The following ACSBG2 variants were observed in gnomAD, a reference collection of about 807,000 sequenced individuals.
ACSBG2 encodes the protein long-chain-fatty-acid--CoA ligase ACSBG2.
A neutral mutation model predicts 74.7 loss-of-function variants in ACSBG2; 62 were observed. That is an observed-to-expected ratio of 0.83 (90% CI 0.68 to 1.03). The LOEUF (loss-of-function observed/expected upper bound fraction) is 1.03, where lower values mean the gene tolerates loss of function less well. Among genes scored for constraint, ACSBG2 ranks in the 50% least tolerant of loss-of-function variants. The pLI is 0.00. For missense variants in ACSBG2, 730 were observed against 817.6 expected, an observed-to-expected ratio of 0.89 and a Z score of 1.31; for synonymous variants, 309 against 294.1, an observed-to-expected ratio of 1.05 and a Z score of -0.52.
chr19:6,188,500 G>A (rs186083782), intron 13 of ACSBG2, among the ~76,000 whole-genome samples: 1 of 152,202 alleles, frequency 6.6e-6, no homozygotes, highest in African/African-American at 2.4e-5. Context: ...AATTAGCTGG[G>A]TATGGTAGCG....
intron 1 of ACSBG2, among the ~76,000 whole-genome samples, chr19:6,140,378 G>A (rs531026081): frequency 2.6e-4 from 40 of 152,184 alleles, no homozygotes; most frequent in Non-Finnish European, 5.0e-4. Context: ...CTACTGATGG[G>A]TTAAAGACCA....
intron 3 of ACSBG2, among the ~76,000 whole-genome samples, chr19:6,149,683 T>C (rs1213013553): frequency 6.6e-6 from 1 of 152,060 alleles, no homozygotes; most frequent in Non-Finnish European, 1.5e-5. Context: ...ATTTTTTGTA[T>C]ATTTAGTAGA....
At chr19:6,184,159 C>A (rs1247013591) in intron 10 of ACSBG2, among the ~76,000 whole-genome samples, 1 of 152,078 alleles carries the variant, frequency 6.6e-6, no homozygotes, top group African/African-American at 2.4e-5. Context: ...ATATTATCTG[C>A]CTGTTTTAAA....
chr19:6,137,654 T>G (rs534928873), intron 1 of ACSBG2, among the ~76,000 whole-genome samples: 30 of 152,168 alleles, frequency 2.0e-4, no homozygotes, highest in Middle Eastern at 3.4e-3. Context: ...ATTTATTTAT[T>G]TATTTATTTT....
intron 5 of ACSBG2, among the ~76,000 whole-genome samples, chr19:6,158,701 TG>T (rs2089509729): frequency 1.3e-5 from 2 of 152,150 alleles, no homozygotes; most frequent in South Asian, 4.1e-4. Context: ...GGAGTCGAGA[TG>T]TGTCTTTTCA....
At chr19:6,188,067 C>T (rs956421959) in intron 13 of ACSBG2, among the ~76,000 whole-genome samples, 22 of 152,334 alleles carry the variant, frequency 1.4e-4, no homozygotes, top group African/African-American at 4.6e-4. Flanking sequence ...CGCCTGCTGA[C>T]CTTTCATTCA....
intron 7 of ACSBG2, among the ~76,000 whole-genome samples, chr19:6,169,711 G>A (rs1161293825): frequency 1.3e-5 from 2 of 152,184 alleles, no homozygotes; most frequent in Admixed American, 6.5e-5. Context: ...TCCTGTCAAT[G>A]AGCATGGAAT....
intron 2 of ACSBG2, among the ~76,000 whole-genome samples, chr19:6,141,897 C>T (rs1187826001): frequency 6.6e-6 from 1 of 152,124 alleles, no homozygotes; most frequent in African/African-American, 2.4e-5. Context: ...CCATGCCCAG[C>T]TCTGTATTTT....
Position 6,183,154 on chromosome 19 carries a change from A to G in ACSBG2, c.1204A>G (p.Asn402Asp). Residue 402 changes from asparagine (N) to aspartate (D), a missense_variant, in exon 10 of 15, where the codon AAC (asparagine) becomes GAC (aspartate). Physicochemically the swap from Asn to Asp is conservative, Grantham distance 23. Coordinates refer to ENST00000588485, the MANE Select transcript of ACSBG2 (RefSeq NM_030924.5). ...TTTTATCAGTGGGACTGCGCCCCTC[A>G]ACCAAGAGACTGCCGAGTTCTTTCT... Reference protein sequence around the residue: ...HSFISGTAPLNQETAEFFLSL... With the variant: ...HSFISGTAPLDQETAEFFLSL... 1 of 1,614,196 alleles carries G rather than the reference A, an allele frequency of 6.2e-7. No homozygotes were observed. The highest frequency in any genetic ancestry group is 8.5e-7 in the Non-Finnish European group (1 of 1,180,030).
At position 6,185,740 on chromosome 19, in the gene ACSBG2, C is replaced by A. The variant is rs1296090376; in HGVS notation, c.1540+87C>A. 5.1e-6 allele frequency: 7 copies of A among 1,367,048 alleles called. No homozygotes were observed. In the Admixed American group the frequency reaches 7.3e-5, roughly 14 times the overall value. The allele number at this position is 1,367,048 out of a possible 1,614,324, so 84.7% of individuals were successfully genotyped here. On this transcript the variant is annotated intron_variant, in intron 11 of 14. Transcript: ENST00000588485. ...GCCCAGGGTACCAGCACGAAGGCCA[C>A]CCCCAGTTCCTCACCTTCCAAGAGG...
At chr19:6,144,116 G>T (rs1200700345) in intron 2 of ACSBG2, among the ~76,000 whole-genome samples, 1 of 152,192 alleles carries the variant, frequency 6.6e-6, no homozygotes, top group African/African-American at 2.4e-5. Flanking sequence ...TCCTGCCTCA[G>T]CCTCCAGAGT....
chr19:6,145,362 C>T (rs545521340), intron 2 of ACSBG2, among the ~76,000 whole-genome samples: 75 of 149,544 alleles, frequency 5.0e-4, no homozygotes, highest in African/African-American at 1.8e-3. Context: ...TCCCAGGAGG[C>T]GGAGGCTGCA....
chr19:6,164,456 G>A (rs200900796), intron 6 of ACSBG2, among the ~76,000 whole-genome samples: 2 of 141,398 alleles, frequency 1.4e-5, no homozygotes, highest in East Asian at 4.1e-4. Flanking sequence ...TTTTTGAGAT[G>A]GAGTTTCACT....
In ACSBG2 at chr19:6,188,487, A is replaced by G. The variant is rs148193093; in HGVS notation, c.1927+642A>G. Among the ~76,000 whole-genome samples, 231 of 152,200 alleles carry G rather than the reference A, an allele frequency of 1.5e-3. 3 individuals are homozygous for G. The highest frequency in any genetic ancestry group is 0.013 in the South Asian group (64 of 4,812). ...GAAATCCTAACTCTACACAAAATAC[A>G]AAAATTAGCTGGGTATGGTAGCGGT... On this transcript the variant is annotated intron_variant, in intron 13 of 14. Coordinates refer to ENST00000588485, the MANE Select transcript of ACSBG2 (RefSeq NM_030924.5).
In ACSBG2 at chr19:6,183,051, TC is replaced by T. The variant is rs745633287; in HGVS notation, c.1104del (p.Val369Ter). On this transcript the variant is annotated frameshift_variant, in exon 10 of 15. Coordinates refer to ENST00000588485, the MANE Select transcript of ACSBG2 (RefSeq NM_030924.5). LOFTEE classifies it high-confidence loss of function. ...TTCTTATTCACAGGAAATATAATAC[TC>T]CCGTGAGCTACCGCATGGCTAAGAC... ...SKKMLGKYNT[P>X]VSYRMAKTLV... 1.9e-6 allele frequency: 3 copies of T among 1,613,946 alleles called. No individual in the cohort carries two copies. In the African/African-American group the frequency reaches 4.0e-5, roughly 22 times the overall value.
At chr19:6,140,006 G>A (rs538649541) in intron 1 of ACSBG2, among the ~76,000 whole-genome samples, 10 of 151,910 alleles carry the variant, frequency 6.6e-5, no homozygotes, top group South Asian at 6.3e-4. Flanking sequence ...GGCAGATCAC[G>A]AGGTCAGGAG....
At chr19:6,142,576 C>T (rs1323591821) in intron 2 of ACSBG2, among the ~76,000 whole-genome samples, 1 of 151,914 alleles carries the variant, frequency 6.6e-6, no homozygotes, top group Non-Finnish European at 1.5e-5. Context: ...GATGGTGAAA[C>T]CCCGTCTCTA....
chr19:6,187,118 C>T (rs2090430024), intron 11 of ACSBG2, among the ~76,000 whole-genome samples, 165 bp from the exon 12 acceptor site: 1 of 151,430 alleles, frequency 6.6e-6, no homozygotes, highest in East Asian at 1.9e-4. Context: ...GATTCTCCTG[C>T]CTCAACCTCC....
At chr19:6,152,073 T>C (rs1359112916) in intron 4 of ACSBG2, among the ~76,000 whole-genome samples, 1 of 152,212 alleles carries the variant, frequency 6.6e-6, no homozygotes, top group Non-Finnish European at 1.5e-5. Flanking sequence ...TCTGATTATG[T>C]GCAGAAGCAT....
Sources: gnomAD v4.1 joint callset for allele counts (sites outside exome capture counted in the v4.1 genomes callset) on GRCh38, gnomAD v4.1.1 for gene constraint, MANE v1.5 for transcripts, NCBI Gene and HGNC (gene_info 2026-07-23, HGNC 2026-07-21) for gene names.